Variants in RNF144B observed in about 807,000 individuals in gnomAD.
RNF144B encodes E3 ubiquitin-protein ligase RNF144B.
In RNF144B, 25 loss-of-function variants were observed where a neutral mutation model predicts 40.2. The ratio of observed to expected loss-of-function variants is 0.62; its 90% CI spans 0.45 to 0.87. The LOEUF is 0.87. Ranked by LOEUF, RNF144B falls within the 40% of genes least tolerant of loss-of-function variation. RNF144B has a pLI of 0.00. For missense variants in RNF144B, 365 were observed against 373.7 expected, an observed-to-expected ratio of 0.98 and a Z score of 0.19; for synonymous variants, 145 against 136.3, an observed-to-expected ratio of 1.06 and a Z score of -0.44.
At chr6:18,438,081 T>A (rs1257091548) in intron 3 of RNF144B, among the ~76,000 whole-genome samples, 2 of 152,166 alleles carry the variant, frequency 1.3e-5, no homozygotes, top group Non-Finnish European at 2.9e-5. Flanking sequence ...ACCCCCCAAG[T>A]CATGTTGGTC....
Position 18,398,808 on chromosome 6 carries a change from T to C in RNF144B, c.-36-691T>C, listed in dbSNP as rs1016678804. On this transcript the variant is annotated intron_variant, in intron 1 of 7. Coordinates refer to ENST00000259939, the MANE Select transcript of RNF144B (RefSeq NM_182757.4). This position sits in a 1 kb window ranked among gnomAD's most constrained non-coding sequence, Gnocchi z 5.0. ...TTTGAGACCCTGCTTTCAGTTCTTTTGGGTATATACCCGATTGCTGGATCA... is the reference window on the plus strand; with the variant it reads ...TTTGAGACCCTGCTTTCAGTTCTTTCGGGTATATACCCGATTGCTGGATCA... 2.6e-5 allele frequency among the ~76,000 whole-genome samples: 4 copies of C among 152,244 alleles called. No individual in the cohort carries two copies. The highest frequency in any genetic ancestry group is 2.0e-4 in the Admixed American group (3 of 15,290).
At chr6:18,440,891 C>CAAAA (rs139900981) in intron 4 of RNF144B, among the ~76,000 whole-genome samples, 64 of 142,604 alleles carry the variant, frequency 4.5e-4, no homozygotes, top group South Asian at 2.0e-3. Flanking sequence ...CTAAATATAC[C>CAAAA]AAAAAAAAAA....
chr6:18,455,249 T>C (rs930332843), intron 4 of RNF144B, among the ~76,000 whole-genome samples: 1 of 152,190 alleles, frequency 6.6e-6, no homozygotes, highest in African/African-American at 2.4e-5. Flanking sequence ...TTCCTCCTTG[T>C]GATTGCATTT....
intron 4 of RNF144B, among the ~76,000 whole-genome samples, chr6:18,449,927 CT>C (rs1289707657): frequency 6.6e-6 from 1 of 152,106 alleles, no homozygotes; most frequent in African/African-American, 2.4e-5. Flanking sequence ...TCAGAGGTGC[CT>C]ACTGTGAATC....
intron 3 of RNF144B, among the ~76,000 whole-genome samples, chr6:18,436,807 A>G (rs1543546): frequency 0.3 from 45,834 of 151,950 alleles, 8,035 homozygotes; most frequent in East Asian, 0.51. Flanking sequence ...TAATATTTCA[A>G]TTTTACAGTT....
intron 4 of RNF144B, 47 bp downstream of exon 4, chr6:18,439,791 T>G (rs1183091430): frequency 7.5e-7 from 1 of 1,329,560 alleles, no homozygotes; most frequent in Non-Finnish European, 1.1e-6. Flanking sequence ...GTTTTACATG[T>G]GTCATTTTTA....
intron 2 of RNF144B, among the ~76,000 whole-genome samples, chr6:18,417,388 GGAATAGA>G (rs1379752923): frequency 6.6e-6 from 1 of 152,062 alleles, no homozygotes; most frequent in African/African-American, 2.4e-5. Flanking sequence ...ATAGATCAAT[GGAATAGA>G]ATTGAGAGTC....
intron 1 of RNF144B, chr6:18,396,427 T>C: frequency 3.1e-6 from 3 of 981,566 alleles, no homozygotes; most frequent in Non-Finnish European, 2.4e-6. Flanking sequence ...AAAAATAATA[T>C]AGAGTAAGAC....
rs183769038 is a variant in RNF144B, at chr6:18,398,041, C to T, written c.-36-1458C>T. ...GGAGGGTCATGTCAGTCCAGGAGTT[C>T]GAGGCTGCAGTGAGCTATGATTGTG... is the stretch of plus-strand genomic sequence containing the variant. On this transcript the variant is annotated intron_variant, in intron 1 of 7. Coordinates refer to ENST00000259939, the MANE Select transcript of RNF144B (RefSeq NM_182757.4). The surrounding 1 kb of genome is among the most constrained non-coding windows in gnomAD (Gnocchi z 5.0). 2.9e-3 allele frequency among the ~76,000 whole-genome samples: 439 copies of T among 151,936 alleles called. 5 individuals are homozygous for T. Among genetic ancestry groups the T allele is most frequent in the African/African-American group, 0.01 (416 of 41,418 alleles).
rs1759412401 is a variant in RNF144B, at chr6:18,459,767, G to C, written c.681+16G>C. On this transcript the variant is annotated intron_variant, in intron 6 of 7. Transcript: ENST00000259939. The surrounding 1 kb of genome is among the most constrained non-coding windows in gnomAD (Gnocchi z 4.2). ...GAACTTGGATGTAAGTTCCACCTAGGTTTGTTGTATGGTGTTTCCTATACT... is the reference window on the plus strand; with the variant it reads ...GAACTTGGATGTAAGTTCCACCTAGCTTTGTTGTATGGTGTTTCCTATACT... 1.2e-6 allele frequency: 2 copies of C among 1,612,738 alleles called. No homozygotes were observed.
chr6:18,439,327 A>G (rs9350072), intron 3 of RNF144B, among the ~76,000 whole-genome samples: 37,868 of 152,102 alleles, frequency 0.25, 4,942 homozygotes, highest in African/African-American at 0.33. Context: ...AAAAATTCTT[A>G]AATGAAGATA....
At chr6:18,407,894 A>G (rs1362026700) in intron 2 of RNF144B, among the ~76,000 whole-genome samples, 1 of 151,790 alleles carries the variant, frequency 6.6e-6, no homozygotes, top group Non-Finnish European at 1.5e-5. Context: ...CAATAACTCT[A>G]TGACTCGAAT....
intron 1 of RNF144B, chr6:18,396,772 A>C: frequency 1.0e-6 from 1 of 985,402 alleles, no homozygotes. Flanking sequence ...GGAGTACTGG[A>C]GACGCAAGCT....
At chr6:18,432,727 C>T (rs2113506159) in intron 3 of RNF144B, among the ~76,000 whole-genome samples, 1 of 152,314 alleles carries the variant, frequency 6.6e-6, no homozygotes, top group Middle Eastern at 3.4e-3. Context: ...TTGAATAGTA[C>T]CTGCCATTAC....
At position 18,442,804 on chromosome 6, in the gene RNF144B, T is replaced by C. The variant is rs931292905; in HGVS notation, c.331+3060T>C. 1.3e-5 allele frequency among the ~76,000 whole-genome samples: 2 copies of C among 152,214 alleles called. No individual in the cohort carries two copies. The highest frequency in any genetic ancestry group is 2.4e-5 in the African/African-American group (1 of 41,458). Reference sequence around the variant, plus strand: ...TGGAATCATACAATATCTGTCCTTTTGTGTTTGTCTTATTTTACTTAATAT... The same window carrying C: ...TGGAATCATACAATATCTGTCCTTTCGTGTTTGTCTTATTTTACTTAATAT... On this transcript the variant is annotated intron_variant, in intron 4 of 7. Transcript: ENST00000259939. This position sits in a 1 kb window ranked among gnomAD's most constrained non-coding sequence, Gnocchi z 4.3.
At chr6:18,440,144 A>G (rs1758927289) in intron 4 of RNF144B, among the ~76,000 whole-genome samples, 1 of 152,188 alleles carries the variant, frequency 6.6e-6, no homozygotes, top group Non-Finnish European at 1.5e-5. Context: ...CTCAGAATAC[A>G]TAACACCTGT....
rs1759564380 is a variant in RNF144B, at chr6:18,465,947, T to G, written c.*880T>G. The G allele has an allele frequency of 2.0e-5, 3 of 152,236 alleles. No individual in the cohort carries two copies. Among genetic ancestry groups the G allele is most frequent in the African/African-American group, 7.2e-5 (3 of 41,468 alleles). 9.4% of individuals were successfully genotyped at this position (152,236 alleles called of 1,614,324 possible). Reference sequence around the variant, plus strand: ...TCTGTGTTCACACAGCCAATAGATTTGGAATCAGGCCTAAGAGTACACATG... The same window carrying G: ...TCTGTGTTCACACAGCCAATAGATTGGGAATCAGGCCTAAGAGTACACATG... On this transcript the variant is annotated 3_prime_UTR_variant, in exon 8 of 8. Transcript: ENST00000259939.
In RNF144B at chr6:18,422,926, T is replaced by C. The variant is rs573139889; in HGVS notation, c.166-4655T>C. ...GAGCCATAATTGTGCCACTGCACCCTGGGCAACAGAGCAAGACCCAGTCTC... is the reference window on the plus strand; with the variant it reads ...GAGCCATAATTGTGCCACTGCACCCCGGGCAACAGAGCAAGACCCAGTCTC... On this transcript the variant is annotated intron_variant, in intron 2 of 7. Coordinates refer to ENST00000259939, the MANE Select transcript of RNF144B (RefSeq NM_182757.4). This position sits in a 1 kb window ranked among gnomAD's most constrained non-coding sequence, Gnocchi z 4.7. Among the ~76,000 whole-genome samples, 2 of 148,066 alleles carry C rather than the reference T, an allele frequency of 1.4e-5. No homozygotes were observed. The highest frequency in any genetic ancestry group is 2.1e-4 in the South Asian group (1 of 4,656).
rs1033983287 is a variant in RNF144B at position 18,446,054 on chromosome 6, T to A, written c.331+6310T>A. Among the ~76,000 whole-genome samples the A allele has an allele frequency of 3.3e-5, 5 of 152,236 alleles. No individual in the cohort carries two copies. The highest frequency in any genetic ancestry group is 1.2e-4 in the African/African-American group (5 of 41,478). On this transcript the variant is annotated intron_variant, in intron 4 of 7. Transcript: ENST00000259939. The surrounding 1 kb of genome is among the most constrained non-coding windows in gnomAD (Gnocchi z 4.7). ...AGAATGAGAAGAACAGCTCTTCATG[T>A]GATAGCAATCTGACTTCCAGCTGGT...
Sources: allele counts gnomAD v4.1 joint callset (sites outside exome capture counted in the v4.1 genomes callset), GRCh38; gene constraint gnomAD v4.1.1; non-coding constraint Gnocchi (gnomAD v3.1); transcripts MANE v1.5; gene names NCBI Gene and HGNC (gene_info 2026-07-23, HGNC 2026-07-21).